The following LNX1 variants were observed in gnomAD, a reference collection of about 807,000 sequenced individuals.
The protein encoded by LNX1 is ligand of numb-protein X 1, also known as E3 ubiquitin-protein ligase LNX.
A neutral mutation model predicts 68.4 loss-of-function variants in LNX1; 54 were observed. That is an observed-to-expected ratio of 0.79 (90% CI 0.63 to 0.99). The LOEUF is 0.99. LNX1 is among the 50% of genes least tolerant of loss of function. The pLI, the probability that LNX1 is intolerant of heterozygous loss-of-function variation, is 0.00. For missense variants in LNX1, 906 were observed against 926.4 expected (o/e 0.98, Z 0.29); for synonymous variants, 336 against 350.0 (o/e 0.96, Z 0.45).
At chr4:53,608,312 C>CA (rs1733313414) in intron 2 of LNX1, among the ~76,000 whole-genome samples, 1 of 152,092 alleles carries the variant, frequency 6.6e-6, no homozygotes, top group South Asian at 2.1e-4. Context: ...AATAAATGAA[C>CA]ATGCACTTTT....
chr4:53,648,553 CCTGT>C (rs1250319293), intron 1 of LNX1, among the ~76,000 whole-genome samples: 4 of 152,094 alleles, frequency 2.6e-5, no homozygotes, highest in Non-Finnish European at 4.4e-5. Flanking sequence ...CATTCTGTGG[CCTGT>C]CTTTTTACTC....
chr4:53,501,311 G>GGGGGGGAC (rs1553932778), intron 4 of LNX1, among the ~76,000 whole-genome samples: 2 of 55,694 alleles, frequency 3.6e-5, no homozygotes, highest in Non-Finnish European at 7.3e-5. Flanking sequence ...GGGGTGGGGG[G>GGGGGGGAC]ACAGGATCTC....
intron 7 of LNX1, among the ~76,000 whole-genome samples, chr4:53,481,079 G>A (rs1056498945): frequency 6.6e-6 from 1 of 152,190 alleles, no homozygotes; most frequent in African/African-American, 2.4e-5. Context: ...AGAAGCCACA[G>A]AGAGAAGTAC....
intron 2 of LNX1, among the ~76,000 whole-genome samples, chr4:53,609,703 T>C (rs1411758798): frequency 7.0e-6 from 1 of 142,804 alleles, no homozygotes; most frequent in Non-Finnish European, 1.5e-5. Flanking sequence ...ACTATTATAG[T>C]ACTATTATAA....
chr4:53,470,384 T>A (rs902627985), intron 9 of LNX1, among the ~76,000 whole-genome samples: 1 of 152,154 alleles, frequency 6.6e-6, no homozygotes, highest in African/African-American at 2.4e-5. Flanking sequence ...GCCAATATCA[T>A]ACTGAATGGG....
intron 2 of LNX1, among the ~76,000 whole-genome samples, chr4:53,540,414 G>T (rs1018904003): frequency 4.0e-5 from 6 of 151,464 alleles, no homozygotes; most frequent in African/African-American, 1.5e-4. Flanking sequence ...GGCTTTACTT[G>T]AGTGTGCTCC....
intron 1 of LNX1, among the ~76,000 whole-genome samples, chr4:53,574,895 G>C (rs1434513112): frequency 1.3e-5 from 2 of 152,094 alleles, no homozygotes; most frequent in African/African-American, 4.8e-5. Flanking sequence ...GTCTAGCTCT[G>C]TTGGCCCAGA....
At chr4:53,541,947 G>A (rs1329879889) in intron 2 of LNX1, among the ~76,000 whole-genome samples, 1 of 152,214 alleles carries the variant, frequency 6.6e-6, no homozygotes, top group East Asian at 1.9e-4. Context: ...GCAAACATGA[G>A]CATGCATAAA....
At chr4:53,521,412 G>T (rs1727208084) in intron 2 of LNX1, among the ~76,000 whole-genome samples, 1 of 152,180 alleles carries the variant, frequency 6.6e-6, no homozygotes, top group African/African-American at 2.4e-5. Context: ...ATATCTCCGA[G>T]TTTGCCCAAG....
At chr4:53,471,723 G>C (rs1008095009) in intron 9 of LNX1, among the ~76,000 whole-genome samples, 1 of 152,096 alleles carries the variant, frequency 6.6e-6, no homozygotes, top group Admixed American at 6.5e-5. Flanking sequence ...GCAGCCAACA[G>C]ACACATGAAA....
chr4:53,510,674 T>A (rs1296806521), intron 2 of LNX1, among the ~76,000 whole-genome samples: 1 of 152,206 alleles, frequency 6.6e-6, no homozygotes, highest in Non-Finnish European at 1.5e-5. Flanking sequence ...AACAAATACT[T>A]GAATGAAACA....
At chr4:53,486,747 C>T (rs537216578) in intron 6 of LNX1, among the ~76,000 whole-genome samples, 14 of 152,120 alleles carry the variant, frequency 9.2e-5, no homozygotes, top group African/African-American at 2.9e-4. Flanking sequence ...GGCTTTCTGT[C>T]GTTTTGTTTA....
At chr4:53,622,163 T>C (rs1733905965), upstream of LNX1, among the ~76,000 whole-genome samples, 1 of 152,202 alleles carries the variant, frequency 6.6e-6, no homozygotes, top group Non-Finnish European at 1.5e-5. Context: ...TATTTAGTGT[T>C]TCCTAAGAAG....
chr4:53,625,014 G>T (rs572870887), intron 1 of LNX1, among the ~76,000 whole-genome samples: 77 of 152,174 alleles, frequency 5.1e-4, no homozygotes, highest in African/African-American at 1.8e-3. Flanking sequence ...GTTTTAAAAA[G>T]ATTTATATAT....
intron 8 of LNX1, among the ~76,000 whole-genome samples, chr4:53,477,246 G>A (rs1723624643): frequency 6.6e-6 from 1 of 152,170 alleles, no homozygotes; most frequent in African/African-American, 2.4e-5. Flanking sequence ...GGAAGGAAGG[G>A]AGTGAGAGAG....
At chr4:53,467,772 G>A (rs550848120) in intron 9 of LNX1, among the ~76,000 whole-genome samples, 131 of 152,282 alleles carry the variant, frequency 8.6e-4, no homozygotes, top group Middle Eastern at 6.8e-3. Flanking sequence ...GAAATGAAGC[G>A]AGAAGAGAAG....
intron 2 of LNX1, among the ~76,000 whole-genome samples, chr4:53,569,895 C>CA (rs1245862689): frequency 6.7e-6 from 1 of 148,942 alleles, no homozygotes; most frequent in Admixed American, 6.7e-5. Flanking sequence ...TTTATGCAGC[C>CA]AAAAAACACA....
At chr4:53,468,271 A>C (rs1418721512) in intron 9 of LNX1, among the ~76,000 whole-genome samples, 2 of 152,182 alleles carry the variant, frequency 1.3e-5, no homozygotes, top group African/African-American at 2.4e-5. Context: ...GAAATAAAAT[A>C]CTTTACAGAC....
At chr4:53,579,601 G>A (rs1731707508) in intron 1 of LNX1, among the ~76,000 whole-genome samples, 1 of 152,044 alleles carries the variant, frequency 6.6e-6, no homozygotes, top group African/African-American at 2.4e-5. Flanking sequence ...GCAACCAAGA[G>A]GGTCATTCGA....
Sources: allele counts gnomAD v4.1 joint callset (sites outside exome capture counted in the v4.1 genomes callset), GRCh38; gene constraint gnomAD v4.1.1; transcripts MANE v1.5; gene names NCBI Gene and HGNC (gene_info 2026-07-23, HGNC 2026-07-21).